VRK1: variants seen among roughly 807,000 people sequenced by gnomAD.
The protein encoded by VRK1 is serine/threonine-protein kinase VRK1.
Under a neutral mutation model 57.1 loss-of-function variants are expected in VRK1, and 33 were observed. The ratio of observed to expected loss-of-function variants is 0.58; its 90% CI spans 0.44 to 0.77. The LOEUF (loss-of-function observed/expected upper bound fraction) is 0.77, where lower values mean the gene tolerates loss of function less well. VRK1 is among the 30% of genes least tolerant of loss of function. The pLI is 0.00. For synonymous variants in VRK1, 137 were observed against 147.8 expected, an observed-to-expected ratio of 0.93 and a Z score of 0.53; for missense variants, 413 against 477.3, an observed-to-expected ratio of 0.87 and a Z score of 1.25.
Position 96,876,116 on chromosome 14 carries a change from G to C in VRK1, c.1155G>C (p.Gln385His). ...ACACACAGACAGAGGAGGCCATACAGACCCGTAAGTTGAACAGTTTTGCCT... is the reference window on the plus strand; with the variant it reads ...ACACACAGACAGAGGAGGCCATACACACCCGTAAGTTGAACAGTTTTGCCT... ...WSNTQTEEAI[Q>H]TRSRTRKRVQ... The change falls in exon 12 of 13, where the codon CAG becomes CAC. Residue 385 changes from glutamine (Q) to histidine (H), a missense_variant. By Grantham distance (24) the Gln-to-His change is conservative. Coordinates refer to ENST00000216639, the MANE Select transcript of VRK1 (RefSeq NM_003384.3). 1.2e-6 allele frequency: 2 copies of C among 1,613,512 alleles called. No homozygotes were observed. The highest frequency in any genetic ancestry group is 1.7e-6 in the Non-Finnish European group (2 of 1,179,572).
At chr14:96,846,267 T>C in intron 4 of VRK1, 103 bp downstream of exon 4, 1 of 1,164,830 alleles carries the variant, frequency 8.6e-7, no homozygotes, top group Non-Finnish European at 1.3e-6. Context: ...CTCTTTGTTA[T>C]TTTTTTGCTT....
intron 1 of VRK1, among the ~76,000 whole-genome samples, chr14:96,808,171 T>C (rs1885989227): frequency 6.6e-6 from 1 of 152,092 alleles, no homozygotes; most frequent in Admixed American, 6.6e-5. Flanking sequence ...AAAGTTGGGA[T>C]GAAAATAATA....
intron 1 of VRK1, among the ~76,000 whole-genome samples, chr14:96,823,871 CA>C (rs1886699024): frequency 6.6e-6 from 1 of 152,142 alleles, no homozygotes; most frequent in Non-Finnish European, 1.5e-5. Flanking sequence ...TTCTATTTTT[CA>C]AGGCTGAATA....
intron 12 of VRK1, chr14:96,877,409 T>G: frequency 1.1e-6 from 1 of 948,600 alleles, no homozygotes; most frequent in South Asian, 1.4e-5. Flanking sequence ...GGCGAGAGGT[T>G]TTGAAGTAGT....
At chr14:96,800,513 A>G (rs956077175) in intron 1 of VRK1, among the ~76,000 whole-genome samples, 2 of 152,208 alleles carry the variant, frequency 1.3e-5, no homozygotes, top group African/African-American at 4.8e-5. Context: ...ATCAATAAAT[A>G]CTGATGAGAA....
intron 8 of VRK1, 138 bp downstream of exon 8, chr14:96,855,494 G>C: frequency 1.6e-6 from 2 of 1,289,470 alleles, no homozygotes; most frequent in East Asian, 2.5e-5. Context: ...AAAGAAGGCA[G>C]AGGTGAGACT....
intron 12 of VRK1, 143 bp from the exon 13 acceptor site, chr14:96,881,034 A>G: frequency 1.4e-6 from 1 of 707,934 alleles, no homozygotes. Flanking sequence ...ATACCTTTGT[A>G]TGTCAGTTTT....
chr14:96,860,574 A>T lies in VRK1; in HGVS notation c.907A>T (p.Met303Leu). The change falls in exon 11 of 13, where the codon ATG becomes TTG. Residue 303 changes from methionine (M) to leucine (L), a missense_variant. This residue lies in a region of VRK1 where 146 missense variants were observed against 138.2 expected (regional missense o/e 1.06). Coordinates refer to ENST00000216639, the MANE Select transcript of VRK1 (RefSeq NM_003384.3). ...TCTTTTAGGTGAAATTGCCAAATAC[A>T]TGGAAACAGTGAAATTACTAGACTA... is the stretch of plus-strand genomic sequence containing the variant. ...KNKPGEIAKY[M>L]ETVKLLDYTE... The T allele has an allele frequency of 6.2e-7, 1 of 1,612,940 alleles. No individual in the cohort carries two copies.
intron 5 of VRK1, among the ~76,000 whole-genome samples, chr14:96,852,103 A>G (rs1887973421): frequency 6.6e-6 from 1 of 152,234 alleles, no homozygotes; most frequent in Non-Finnish European, 1.5e-5. Context: ...ACATACTGAA[A>G]TATAACGTGA....
Position 96,881,344 on chromosome 14 carries a change from CAT to C in VRK1, c.*138_*139del, listed in dbSNP as rs949159407. 1.7e-5 allele frequency: 13 copies of C among 744,924 alleles called. No individual in the cohort carries two copies. Among genetic ancestry groups the C allele is most frequent in the Admixed American group, 1.2e-4 (4 of 33,102 alleles). 46.1% of individuals were successfully genotyped at this position (744,924 alleles called of 1,614,324 possible). ...ATTAAATACTCATGTGTTCAGAAAA[CAT>C]AAACTTTTTTTATAAAAATATTTTG... On this transcript the variant is annotated 3_prime_UTR_variant, in exon 13 of 13. Coordinates refer to ENST00000216639, the MANE Select transcript of VRK1 (RefSeq NM_003384.3).
intron 7 of VRK1, among the ~76,000 whole-genome samples, chr14:96,853,853 T>G (rs1022428215): frequency 6.6e-6 from 1 of 152,160 alleles, no homozygotes; most frequent in African/African-American, 2.4e-5. Flanking sequence ...CACTTCTTAC[T>G]TGATCTTACA....
intron 11 of VRK1, among the ~76,000 whole-genome samples, chr14:96,874,884 T>C (rs1043879223): frequency 5.9e-5 from 9 of 152,224 alleles, no homozygotes; most frequent in African/African-American, 2.2e-4. Flanking sequence ...GCAGGCATTA[T>C]CCTCTTTTCT....
At chr14:96,838,246 GTAAAT>G (rs1887300169) in intron 3 of VRK1, among the ~76,000 whole-genome samples, 1 of 151,756 alleles carries the variant, frequency 6.6e-6, no homozygotes, top group South Asian at 2.1e-4. Context: ...TTCCATTTTA[GTAAAT>G]TAAATTATTT....
chr14:96,802,202 A>T (rs1241444073), intron 1 of VRK1, among the ~76,000 whole-genome samples: 2 of 152,182 alleles, frequency 1.3e-5, no homozygotes, highest in African/African-American at 2.4e-5. Context: ...TTAGTTTGGC[A>T]ATTTCTCGAA....
intron 11 of VRK1, among the ~76,000 whole-genome samples, chr14:96,869,829 T>C (rs568847884): frequency 3.2e-4 from 48 of 152,264 alleles, no homozygotes; most frequent in Admixed American, 1.3e-3. Flanking sequence ...CATAAGTTTA[T>C]TGAGGGAAGA....
At chr14:96,812,015 G>A in intron 1 of VRK1, among the ~76,000 whole-genome samples, 1 of 152,214 alleles carries the variant, frequency 6.6e-6, no homozygotes, top group South Asian at 2.1e-4. Context: ...ATCAATTCTG[G>A]AAATTTTACG....
At chr14:96,850,960 A>G (rs1887920885) in intron 5 of VRK1, among the ~76,000 whole-genome samples, 2 of 152,088 alleles carry the variant, frequency 1.3e-5, no homozygotes, top group Non-Finnish European at 2.9e-5. Flanking sequence ...TGTTATAATC[A>G]TTACACACAT....
rs2139815079 is a variant in VRK1, at chr14:96,860,705, T to C, written c.1038T>C (p.Asn346=). The C allele has an allele frequency of 6.2e-7, 1 of 1,613,128 alleles. No individual in the cohort carries two copies. The highest frequency in any genetic ancestry group is 8.5e-7 in the Non-Finnish European group (1 of 1,179,412). ...AATTGGACCTCAGTGTTGTGGAGAA[T>C]GGAGGTTTGAAAGCAAAAACAATAA... ...DGKLDLSVVE[N]GGLKAKTITK... The change falls in exon 11 of 13, where the codon AAT becomes AAC. Residue 346 remains asparagine, a synonymous_variant. Transcript: ENST00000216639.
At chr14:96,817,129 T>C (rs1279261384) in intron 1 of VRK1, among the ~76,000 whole-genome samples, 1 of 152,222 alleles carries the variant, frequency 6.6e-6, no homozygotes, top group Admixed American at 6.5e-5. Flanking sequence ...GATGTTTAGG[T>C]GGACACTCAT....
Sources: gnomAD v4.1 joint callset for allele counts (sites outside exome capture counted in the v4.1 genomes callset) on GRCh38, gnomAD v4.1.1 for gene constraint, gnomAD v4.1.1 regional missense constraint, MANE v1.5 for transcripts, NCBI Gene and HGNC (gene_info 2026-07-23, HGNC 2026-07-21) for gene names.